VPS8: variants seen among roughly 807,000 people sequenced by gnomAD.
VPS8 encodes vacuolar protein sorting-associated protein 8 homolog.
In VPS8, 129 loss-of-function variants were observed where a neutral mutation model predicts 216.4. The observed-to-expected ratio is 0.60, with a 90% CI of 0.52 to 0.69. The LOEUF is 0.69. VPS8 is among the 30% of genes least tolerant of loss of function. VPS8 has a pLI of 0.00. For synonymous variants in VPS8, 571 were observed against 565.4 expected (o/e 1.01, Z -0.14); for missense variants, 1,531 against 1,683.5 (o/e 0.91, Z 1.59).
At chr3:184,834,564 CGT>C (rs1402021921) in intron 4 of VPS8, 83 bp from the exon 5 acceptor site, 1 of 994,680 alleles carries the variant, frequency 1.0e-6, no homozygotes, top group African/African-American at 1.7e-5. Flanking sequence ...GCTTTTTGTG[CGT>C]GTGTGTTTTC....
intron 44 of VPS8, 31 bp downstream of exon 44, chr3:184,996,532 G>C: frequency 6.4e-7 from 1 of 1,571,442 alleles, no homozygotes; most frequent in Non-Finnish European, 8.7e-7. Flanking sequence ...TTACATGTAT[G>C]GTACATGTAC....
chr3:184,996,367 A>C lies in VPS8; in HGVS notation c.3702A>C (p.Gln1234His), dbSNP rs774677699. ...LLETTTSLLN[Q>H]DLHWSLCNLR... ...AAACAACAACCAGCCTTCTAAACCA[A>C]GATCTCCATTGGTCATTGTGTAACC... is the stretch of plus-strand genomic sequence containing the variant. The change falls in exon 44 of 48, where the codon CAA (glutamine) becomes CAC (histidine). Residue 1234 changes from glutamine to histidine, a missense_variant. This residue lies in a region of VPS8 where 1,318 missense variants were observed against 1,468.4 expected (regional missense o/e 0.90). Coordinates refer to ENST00000625842, the MANE Select transcript of VPS8 (RefSeq NM_001009921.3). 3 of 1,613,228 alleles carry C rather than the reference A, an allele frequency of 1.9e-6. No homozygotes were observed.
At position 184,928,517 on chromosome 3, in the gene VPS8, G is replaced by T. The variant is rs752868233; in HGVS notation, c.2698G>T (p.Ala900Ser). 1 of 1,517,346 alleles carries T rather than the reference G, an allele frequency of 6.6e-7. No homozygotes were observed. The highest frequency in any genetic ancestry group is 2.6e-5 in the Admixed American group (1 of 38,714). The allele number at this position is 1,517,346 out of a possible 1,614,324, so 94.0% of individuals were successfully genotyped here. ...TGAAGAGAGTCGACTCATCCGGATG[G>T]CAGAAAAAGCTGAGTTGTAAGTTGT... is the stretch of plus-strand genomic sequence containing the variant. ...QFEESRLIRM[A>S]EKAEFYQICE... Residue 900 changes from alanine to serine, a missense_variant, in exon 32 of 48, where the codon GCA becomes TCA. Physicochemically the swap from Ala to Ser is moderately conservative, Grantham distance 99. Around this residue, in one of 3 missense-constraint regions of VPS8, gnomAD observed 1,318 missense variants for 1,468.4 expected, o/e 0.90. Transcript: ENST00000625842.
At chr3:185,041,550 C>A in intron 46 of VPS8, among the ~76,000 whole-genome samples, 1 of 152,158 alleles carries the variant, frequency 6.6e-6, no homozygotes, top group East Asian at 1.9e-4. Flanking sequence ...ATAGGCCTTT[C>A]CCCTCCAACA....
chr3:184,924,946 A>T lies in VPS8; in HGVS notation c.2539A>T (p.Asn847Tyr). 1 of 1,613,866 alleles carries T rather than the reference A, an allele frequency of 6.2e-7. No homozygotes were observed. Among genetic ancestry groups the T allele is most frequent in the Non-Finnish European group, 8.5e-7 (1 of 1,179,836 alleles). ...FLARQLAKPD[N>Y]TLFVNRTLFD... ...TGCTCGGCAGCTTGCAAAGCCTGACAACACCTTGTTTGTAAACAGAACACT... is the reference window on the plus strand; with the variant it reads ...TGCTCGGCAGCTTGCAAAGCCTGACTACACCTTGTTTGTAAACAGAACACT... The change falls in exon 30 of 48, where the codon AAC becomes TAC. Residue 847 changes from asparagine to tyrosine, a missense_variant. Coordinates refer to ENST00000625842, the MANE Select transcript of VPS8 (RefSeq NM_001009921.3).
intron 35 of VPS8, 81 bp from the exon 36 acceptor site, chr3:184,940,116 G>A: frequency 1.4e-6 from 1 of 731,516 alleles, no homozygotes; most frequent in Non-Finnish European, 2.1e-6. Context: ...AAAGGGATAG[G>A]TTAAAGTAGT....
chr3:184,978,687 C>G (rs1428225909), intron 40 of VPS8, among the ~76,000 whole-genome samples: 1 of 152,142 alleles, frequency 6.6e-6, no homozygotes, highest in Admixed American at 6.5e-5. Flanking sequence ...TGTGAGCCAT[C>G]GCACCTGGCC....
At chr3:184,849,886 C>G (rs1158791687) in intron 9 of VPS8, 50 bp from the exon 10 acceptor site, 2 of 1,422,306 alleles carry the variant, frequency 1.4e-6, no homozygotes, top group South Asian at 1.2e-5. Flanking sequence ...ATACTTAAGT[C>G]CAAAAAAAGA....
intron 23 of VPS8, among the ~76,000 whole-genome samples, 155 bp downstream of exon 23, chr3:184,895,080 A>G (rs1733142835): frequency 6.6e-6 from 1 of 152,220 alleles, no homozygotes. Context: ...GTATTTGTCA[A>G]TATATTTCCT....
chr3:185,010,865 G>A (rs561953495), intron 45 of VPS8, among the ~76,000 whole-genome samples: 7 of 152,112 alleles, frequency 4.6e-5, no homozygotes, highest in South Asian at 2.1e-4. Context: ...TTAGCCAAGC[G>A]GGTGGCACAT....
intron 36 of VPS8, among the ~76,000 whole-genome samples, chr3:184,953,770 A>G (rs1415017767): frequency 6.6e-6 from 1 of 152,192 alleles, no homozygotes; most frequent in African/African-American, 2.4e-5. Context: ...TCTAAAGACT[A>G]GCTAGATGCC....
At chr3:184,868,106 T>G (rs773030919) in intron 18 of VPS8, 47 bp downstream of exon 18, 2 of 1,578,554 alleles carry the variant, frequency 1.3e-6, no homozygotes, top group Non-Finnish European at 1.7e-6. Context: ...AATTGGTAGC[T>G]TCTTAACATT....
chr3:184,952,742 G>T (rs1450443121), intron 36 of VPS8, among the ~76,000 whole-genome samples: 1 of 152,196 alleles, frequency 6.6e-6, no homozygotes, highest in Non-Finnish European at 1.5e-5. Flanking sequence ...TCAGCCCTCT[G>T]ATGTCAAAAG....
chr3:184,851,150 C>G (rs998866495), intron 10 of VPS8, among the ~76,000 whole-genome samples: 1 of 151,702 alleles, frequency 6.6e-6, no homozygotes, highest in Non-Finnish European at 1.5e-5. Context: ...GGTGTTTATA[C>G]AAGAGAAATC....
Position 185,051,971 on chromosome 3 carries a change from C to T in VPS8, c.4233C>T (p.Phe1411=). ...SQSAPAFNSI[F]QNENFQLQLI... ...GTGCTCCTGCTTTCAACAGCATCTT[C>T]CAGAATGAGAACTTCCAGCTGCAGC... The change falls in exon 48 of 48, where the codon TTC becomes TTT. Residue 1411 remains phenylalanine (F), a synonymous_variant. Coordinates refer to ENST00000625842, the MANE Select transcript of VPS8 (RefSeq NM_001009921.3). 6.2e-7 allele frequency: 1 copy of T among 1,613,630 alleles called. No individual in the cohort carries two copies. The highest frequency in any genetic ancestry group is 1.3e-5 in the African/African-American group (1 of 75,054).
chr3:184,920,015 A>G (rs1738336187), intron 28 of VPS8, 112 bp from the exon 29 acceptor site: 5 of 757,972 alleles, frequency 6.6e-6, no homozygotes, highest in Non-Finnish European at 1.1e-5. Context: ...AATGAGGAAT[A>G]GTTATCTTAT....
intron 37 of VPS8, among the ~76,000 whole-genome samples, chr3:184,960,742 C>T (rs1049480917): frequency 6.6e-6 from 1 of 152,106 alleles, no homozygotes; most frequent in Admixed American, 6.6e-5. Flanking sequence ...TTTGAGAAGC[C>T]TGTCAAACAT....
At chr3:185,004,226 C>T (rs1017056375) in intron 45 of VPS8, among the ~76,000 whole-genome samples, 2 of 151,834 alleles carry the variant, frequency 1.3e-5, no homozygotes, top group African/African-American at 4.8e-5. Context: ...GTCTGCAATC[C>T]CGGCACCCCG....
chr3:184,930,103 C>G (rs975816932), intron 33 of VPS8, among the ~76,000 whole-genome samples: 1 of 152,054 alleles, frequency 6.6e-6, no homozygotes, highest in African/African-American at 2.4e-5. Context: ...GAGTAGAGAT[C>G]ATATAGATGA....
Sources: allele counts gnomAD v4.1 joint callset (sites outside exome capture counted in the v4.1 genomes callset), GRCh38; gene constraint gnomAD v4.1.1; regional missense constraint gnomAD v4.1.1; transcripts MANE v1.5; gene names NCBI Gene and HGNC (gene_info 2026-07-23, HGNC 2026-07-21).